Variants in PLCXD3 observed in about 807,000 individuals in gnomAD.
PLCXD3 encodes the protein PI-PLC X domain-containing protein 3.
Under a neutral mutation model 25.5 loss-of-function variants are expected in PLCXD3, and 19 were observed. The observed-to-expected ratio is 0.75, with a 90% CI of 0.52 to 1.09. The LOEUF is 1.09. Ranked by LOEUF, PLCXD3 falls within the 50% of genes least tolerant of loss-of-function variation. PLCXD3 has a pLI of 0.00. For synonymous variants in PLCXD3, 174 were observed against 137.6 expected, an observed-to-expected ratio of 1.26 and a Z score of -1.85; for missense variants, 411 against 388.1, an observed-to-expected ratio of 1.06 and a Z score of -0.50.
At chr5:41,493,021 T>C (rs1196721728) in intron 1 of PLCXD3, among the ~76,000 whole-genome samples, 3 of 152,236 alleles carry the variant, frequency 2.0e-5, no homozygotes, top group African/African-American at 7.2e-5. Flanking sequence ...TTTTAGAGTT[T>C]CCAGTTTTTC....
intron 1 of PLCXD3, among the ~76,000 whole-genome samples, chr5:41,441,309 TACTA>T (rs996330026): frequency 2.0e-5 from 3 of 152,136 alleles, no homozygotes; most frequent in African/African-American, 7.2e-5. Context: ...GCAATGTCAA[TACTA>T]ACTGAGATGC....
chr5:41,490,485 G>A (rs1391311441), intron 1 of PLCXD3, among the ~76,000 whole-genome samples: 1 of 152,014 alleles, frequency 6.6e-6, no homozygotes, highest in African/African-American at 2.4e-5. Context: ...TTTTTCTATT[G>A]TTTGGAATAG....
intron 1 of PLCXD3, among the ~76,000 whole-genome samples, chr5:41,402,206 C>G (rs900527332): frequency 4.6e-5 from 7 of 151,414 alleles, no homozygotes; most frequent in Non-Finnish European, 1.0e-4. Context: ...TTATTCTTTT[C>G]TAAAATAAAC....
intron 1 of PLCXD3, among the ~76,000 whole-genome samples, chr5:41,432,367 T>G (rs911628438): frequency 6.6e-6 from 1 of 152,238 alleles, no homozygotes; most frequent in Non-Finnish European, 1.5e-5. Context: ...CTGTATTTCT[T>G]TGGCTATCAC....
At chr5:41,395,299 C>T (rs75153257) in intron 1 of PLCXD3, among the ~76,000 whole-genome samples, 16,555 of 151,728 alleles carry the variant, frequency 0.11, 1,079 homozygotes, top group Admixed American at 0.17. Context: ...ACACAATATA[C>T]CAAAACCTAT....
chr5:41,460,927 A>G (rs770101427), intron 1 of PLCXD3, among the ~76,000 whole-genome samples: 15 of 151,944 alleles, frequency 9.9e-5, no homozygotes, highest in Non-Finnish European at 1.3e-4. Context: ...GTTATAAATT[A>G]TAACAAATTT....
In PLCXD3 at chr5:41,356,139, G is replaced by A. The variant is rs527538366; in HGVS notation, c.812+25687C>T. Among the ~76,000 whole-genome samples the A allele has an allele frequency of 1.1e-4, 17 of 152,172 alleles. No homozygotes were observed. The South Asian group carries it at 3.1e-3, about 28-fold the overall frequency. ...AAATTAGCCAGGCGTGGTGGCAGGCGCCTGTACTCCCAGCTACTTGGGAGG... is the reference window on the plus strand; with the variant it reads ...AAATTAGCCAGGCGTGGTGGCAGGCACCTGTACTCCCAGCTACTTGGGAGG... On this transcript the variant is annotated intron_variant, in intron 2 of 2. Transcript: ENST00000377801.
intron 2 of PLCXD3, among the ~76,000 whole-genome samples, chr5:41,347,342 G>T (rs777900954): frequency 2.0e-5 from 3 of 152,100 alleles, no homozygotes; most frequent in African/African-American, 7.2e-5. Context: ...TTCACTAATG[G>T]CAAGGCTTGT....
At chr5:41,413,590 C>A (rs1286404697) in intron 1 of PLCXD3, among the ~76,000 whole-genome samples, 3 of 152,154 alleles carry the variant, frequency 2.0e-5, no homozygotes, top group Admixed American at 6.5e-5. Context: ...TTCCACTTTT[C>A]CATTATTTGT....
chr5:41,346,096 GT>G (rs1744295351), intron 2 of PLCXD3, among the ~76,000 whole-genome samples: 1 of 152,096 alleles, frequency 6.6e-6, no homozygotes, highest in South Asian at 2.1e-4. Context: ...GGCGTGGCTG[GT>G]CTCGAACTCC....
intron 1 of PLCXD3, among the ~76,000 whole-genome samples, chr5:41,499,985 A>G (rs1425205126): frequency 1.3e-5 from 2 of 151,830 alleles, no homozygotes; most frequent in Non-Finnish European, 3.0e-5. Flanking sequence ...GTAAATTAGT[A>G]CAGCCTCTAT....
intron 2 of PLCXD3, among the ~76,000 whole-genome samples, chr5:41,374,124 A>G (rs1219323368): frequency 7.2e-5 from 11 of 152,102 alleles, no homozygotes. Flanking sequence ...CTTTAGGTTA[A>G]CTAAAACCAG....
In PLCXD3 at chr5:41,482,312, T is replaced by C. The variant is rs370533471; in HGVS notation, c.103+28112A>G. Among the ~76,000 whole-genome samples the C allele has an allele frequency of 2.0e-3, 305 of 152,242 alleles. 1 individual carries two copies. The highest frequency in any genetic ancestry group is 6.8e-3 in the African/African-American group (282 of 41,544). ...GAATGAGTCCCAAATCCAAGTTGCA[T>C]TATGGTGCTACCGACCCTATCCATG... is the stretch of plus-strand genomic sequence containing the variant. On this transcript the variant is annotated intron_variant, in intron 1 of 2. Coordinates refer to ENST00000377801, the MANE Select transcript of PLCXD3 (RefSeq NM_001005473.3).
At chr5:41,327,252 G>T (rs1056721826) in intron 2 of PLCXD3, among the ~76,000 whole-genome samples, 1 of 152,178 alleles carries the variant, frequency 6.6e-6, no homozygotes, top group East Asian at 1.9e-4. Flanking sequence ...CCCTGGAGGT[G>T]TGGGGGAATT....
rs562575957 is a variant in PLCXD3, at chr5:41,433,885, C to T, written c.104-51351G>A. Among the ~76,000 whole-genome samples, 193 of 152,256 alleles carry T rather than the reference C, an allele frequency of 1.3e-3. 10 individuals carry two copies. Among genetic ancestry groups the T allele is most frequent in the Non-Finnish European group, 7.6e-4 (52 of 68,016 alleles). On this transcript the variant is annotated intron_variant, in intron 1 of 2. Transcript: ENST00000377801. ...TCCCTTGAAGTGATATGATTTTTCC[C>T]CCTCCTCTAATCTTGTTCCATCAAA...
intron 1 of PLCXD3, among the ~76,000 whole-genome samples, chr5:41,400,993 T>G (rs527670206): frequency 1.6e-5 from 1 of 64,460 alleles, no homozygotes; most frequent in Non-Finnish European, 3.1e-5. Flanking sequence ...ACATGAAAAT[T>G]TTAAAAAGCT....
intron 1 of PLCXD3, among the ~76,000 whole-genome samples, chr5:41,484,181 C>A (rs1371480943): frequency 6.6e-6 from 1 of 151,874 alleles, no homozygotes; most frequent in South Asian, 2.1e-4. Context: ...AAAACTTAAG[C>A]AGATTGACTT....
intron 2 of PLCXD3, among the ~76,000 whole-genome samples, chr5:41,371,188 G>A (rs1382043724): frequency 6.6e-6 from 1 of 152,078 alleles, no homozygotes; most frequent in Non-Finnish European, 1.5e-5. Context: ...AAAGAACAAA[G>A]AAAAAGCACA....
intron 2 of PLCXD3, among the ~76,000 whole-genome samples, chr5:41,351,538 A>G (rs1296119844): frequency 6.6e-6 from 1 of 152,218 alleles, no homozygotes; most frequent in Non-Finnish European, 1.5e-5. Flanking sequence ...GACACCTAGT[A>G]GAAAAAAACC....
Sources: allele counts gnomAD v4.1 joint callset (sites outside exome capture counted in the v4.1 genomes callset), GRCh38; gene constraint gnomAD v4.1.1; transcripts MANE v1.5; gene names NCBI Gene and HGNC (gene_info 2026-07-23, HGNC 2026-07-21).